KIF26A: variants seen among roughly 807,000 people sequenced by gnomAD.
KIF26A encodes kinesin family member 26A, also known as kinesin-like protein KIF26A.
A neutral mutation model predicts 126.0 loss-of-function variants in KIF26A; 74 were observed. The ratio of observed to expected loss-of-function variants is 0.59; its 90% CI spans 0.49 to 0.71. The LOEUF is 0.71. Ranked by LOEUF, KIF26A falls within the 30% of genes least tolerant of loss-of-function variation. KIF26A has a pLI of 0.00. For synonymous variants in KIF26A, 1,445 were observed against 1,232.7 expected (o/e 1.17, Z -3.61); for missense variants, 2,984 against 2,763.3 (o/e 1.08, Z -1.79).
Position 104,172,835 on chromosome 14 carries a change from G to C in KIF26A, c.1421-142G>C, listed in dbSNP as rs573418187. ...GTGGAGAGGAAGCTGAACCCCTGCCGAACTGAAAGGCAGAGGGCTTAGGAT... is the reference window on the plus strand; with the variant it reads ...GTGGAGAGGAAGCTGAACCCCTGCCCAACTGAAAGGCAGAGGGCTTAGGAT... On this transcript the variant is annotated intron_variant, in intron 7 of 14. Coordinates refer to ENST00000423312, the MANE Select transcript of KIF26A (RefSeq NM_015656.2). 20 of 1,243,572 alleles carry C rather than the reference G, an allele frequency of 1.6e-5. No individual in the cohort carries two copies. The African/African-American group carries it at 2.1e-4, about 13-fold the overall frequency. 77.0% of individuals were successfully genotyped at this position (1,243,572 alleles called of 1,614,324 possible). A position where few individuals can be genotyped will look rare whatever the true frequency, so the allele number is the denominator to read the frequency against.
intron 3 of KIF26A, among the ~76,000 whole-genome samples, chr14:104,156,386 C>T (rs566473839): frequency 4.8e-4 from 73 of 152,248 alleles, no homozygotes; most frequent in Admixed American, 1.2e-3. Flanking sequence ...GGTGTGCTGG[C>T]GCAATGTCCA....
intron 4 of KIF26A, among the ~76,000 whole-genome samples, chr14:104,166,358 T>G (rs1566861418): frequency 6.6e-6 from 1 of 152,080 alleles, no homozygotes; most frequent in East Asian, 1.9e-4. Flanking sequence ...TGTCAGTCCA[T>G]TAGGGCCACA....
intron 13 of KIF26A, 124 bp from the exon 14 acceptor site, chr14:104,179,112 G>T: frequency 8.6e-7 from 1 of 1,166,236 alleles, no homozygotes; most frequent in Non-Finnish European, 1.1e-6. Flanking sequence ...GCCCGCCCTT[G>T]GAGCCCCACT....
intron 5 of KIF26A, among the ~76,000 whole-genome samples, chr14:104,171,122 C>T (rs1239279936): frequency 6.6e-6 from 1 of 152,236 alleles, no homozygotes; most frequent in Non-Finnish European, 1.5e-5. Context: ...TGCCCGTCCC[C>T]GTTTGCATTC....
At chr14:104,150,855 T>A (rs1447813236) in intron 2 of KIF26A, among the ~76,000 whole-genome samples, 2 of 152,144 alleles carry the variant, frequency 1.3e-5, no homozygotes, top group Non-Finnish European at 2.9e-5. Context: ...CCCTAGGTGG[T>A]CACAGCCACA....
rs1850383211 is a variant in KIF26A, at chr14:104,175,048, C to T, written c.2260C>T (p.Leu754=). The T allele has an allele frequency of 2.5e-6, 4 of 1,576,548 alleles. No homozygotes were observed. Among genetic ancestry groups the T allele is most frequent in the Non-Finnish European group, 3.4e-6 (4 of 1,163,990 alleles). Residue 754 remains leucine, a synonymous_variant, in exon 12 of 15, where the codon CTG becomes TTG. Transcript: ENST00000423312. ...AGGCCGGGCCCGTCGGCCCCCGCAC[C>T]TGCGGCCCTTCCACCCACGCACTGT... The part of the protein sequence containing the change: ...EEGRARRPPH[L]RPFHPRTVAL...
intron 4 of KIF26A, among the ~76,000 whole-genome samples, chr14:104,165,817 T>G (rs12885865): frequency 1.3e-5 from 2 of 151,804 alleles, no homozygotes; most frequent in East Asian, 3.9e-4. Context: ...GTCTGTGTGT[T>G]TCTGTGTGCA....
intron 6 of KIF26A, 109 bp downstream of exon 6, chr14:104,172,044 G>A (rs903995132): frequency 9.3e-7 from 1 of 1,070,398 alleles, no homozygotes; most frequent in Admixed American, 2.5e-5. Context: ...CAGAGGAAGC[G>A]TGAGCGAGGG....
In KIF26A at chr14:104,171,705, C is replaced by T. The variant is rs772514163; in HGVS notation, c.1114-18C>T. 5.8e-6 allele frequency: 9 copies of T among 1,543,324 alleles called. No individual in the cohort carries two copies. In the East Asian group the frequency reaches 1.7e-4, roughly 29 times the overall value. On this transcript the variant is annotated intron_variant, in intron 5 of 14. Coordinates refer to ENST00000423312, the MANE Select transcript of KIF26A (RefSeq NM_015656.2). ...TGGGCGGAGGCAGCTTCTCAGGTGCCGCCCACCTCTGCCCCAGGTGAAGGT... is the reference window on the plus strand; with the variant it reads ...TGGGCGGAGGCAGCTTCTCAGGTGCTGCCCACCTCTGCCCCAGGTGAAGGT...
chr14:104,172,865 C>T (rs2037973760), intron 7 of KIF26A, 112 bp from the exon 8 acceptor site: 6 of 1,378,440 alleles, frequency 4.4e-6, no homozygotes, highest in African/African-American at 2.9e-5. Context: ...TAGGATGGAT[C>T]CAAAGAGGCC....
In KIF26A at chr14:104,147,947, G is replaced by A. The variant is rs183885688; in HGVS notation, c.289-4068G>A. ...AGACGGGTGATGGGGACTCAGGGAGGGCCCCGTATGGCTGAGGTCTGGGGG... is the reference window on the plus strand; with the variant it reads ...AGACGGGTGATGGGGACTCAGGGAGAGCCCCGTATGGCTGAGGTCTGGGGG... On this transcript the variant is annotated intron_variant, in intron 2 of 14. Coordinates refer to ENST00000423312, the MANE Select transcript of KIF26A (RefSeq NM_015656.2). 4.7e-3 allele frequency among the ~76,000 whole-genome samples: 720 copies of A among 152,320 alleles called. 8 individuals carry two copies. Among genetic ancestry groups the A allele is most frequent in the Non-Finnish European group, 6.1e-3 (416 of 68,018 alleles).
chr14:104,150,569 G>A (rs117571183), intron 2 of KIF26A, among the ~76,000 whole-genome samples: 5,001 of 152,258 alleles, frequency 0.033, 91 homozygotes, highest in Non-Finnish European at 0.051. Context: ...GGCCCAGCCA[G>A]CCAAGGGCAG....
intron 3 of KIF26A, among the ~76,000 whole-genome samples, chr14:104,156,134 A>T (rs951893974): frequency 9.8e-5 from 15 of 152,316 alleles, no homozygotes; most frequent in African/African-American, 3.4e-4. Flanking sequence ...AGGGGTGCTC[A>T]ACCAGACCCG....
In KIF26A at chr14:104,176,561, G is replaced by C. The variant is rs200373476; in HGVS notation, c.3773G>C (p.Gly1258Ala). The C allele has an allele frequency of 6.2e-7, 1 of 1,606,672 alleles. No individual in the cohort carries two copies. Among genetic ancestry groups the C allele is most frequent in the Admixed American group, 1.7e-5 (1 of 60,012 alleles). Residue 1258 changes from glycine to alanine, a missense_variant, in exon 12 of 15, where the codon GGC becomes GCC. Gly to Ala is a moderately conservative substitution (Grantham distance 60). Transcript: ENST00000423312. ...GECDTQAASA[G>A]RAPSPTLGSP... ...TGTGATACCCAGGCAGCTTCTGCTG[G>C]CAGGGCCCCCAGCCCCACACTTGGC...
rs781479441 is a variant in KIF26A, at chr14:104,177,720, C to T, written c.4932C>T (p.Ala1644=). The change falls in exon 12 of 15, where the codon GCC becomes GCT. Residue 1644 remains alanine, a synonymous_variant. Transcript: ENST00000423312. ...SSVLSGELPP[A]MGRTALFHHS... ...TGCTGAGTGGAGAGCTGCCGCCCGC[C>T]ATGGGCCGCACCGCCCTTTTCCACC... 1 of 1,536,752 alleles carries T rather than the reference C, an allele frequency of 6.5e-7. No individual in the cohort carries two copies. The highest frequency in any genetic ancestry group is 1.2e-5 in the South Asian group (1 of 84,004).
Position 104,138,648 on chromosome 14 carries a change from G to T in KIF26A, c.-75G>T. Reference sequence around the variant, plus strand: ...GGGCCATGGGGGCGCCTCGGGGCCGGATCACGTAGCCGCGGCGCCCCCGGA... The same window carrying T: ...GGGCCATGGGGGCGCCTCGGGGCCGTATCACGTAGCCGCGGCGCCCCCGGA... On this transcript the variant is annotated 5_prime_UTR_variant, in exon 1 of 15. Coordinates refer to ENST00000423312, the MANE Select transcript of KIF26A (RefSeq NM_015656.2). 1 of 1,173,462 alleles carries T rather than the reference G, an allele frequency of 8.5e-7. No individual in the cohort carries two copies. Among genetic ancestry groups the T allele is most frequent in the African/African-American group, 1.6e-5 (1 of 61,642 alleles). The allele number at this position is 1,173,462 out of a possible 1,614,324, so 72.7% of individuals were successfully genotyped here.
Position 104,151,160 on chromosome 14 carries a change from C to T in KIF26A, c.289-855C>T, listed in dbSNP as rs940336359. Among the ~76,000 whole-genome samples, 3 of 152,210 alleles carry T rather than the reference C, an allele frequency of 2.0e-5. No homozygotes were observed. Among genetic ancestry groups the T allele is most frequent in the Non-Finnish European group, 2.9e-5 (2 of 68,036 alleles). ...GGCTTGTCTCCTTCTTGCTCCTCCT[C>T]CTCTTCCTGGAAGATGTCACTGCCT... On this transcript the variant is annotated intron_variant, in intron 2 of 14. Transcript: ENST00000423312. This position sits in a 1 kb window ranked among gnomAD's most constrained non-coding sequence, Gnocchi z 4.9.
intron 2 of KIF26A, among the ~76,000 whole-genome samples, chr14:104,142,270 G>A (rs1478369546): frequency 6.6e-6 from 1 of 152,146 alleles, no homozygotes; most frequent in African/African-American, 2.4e-5. Flanking sequence ...TGAGAAGGGT[G>A]CTTGGCCCTG....
chr14:104,149,458 C>T (rs1347422255), intron 2 of KIF26A, among the ~76,000 whole-genome samples: 1 of 152,210 alleles, frequency 6.6e-6, no homozygotes, highest in Non-Finnish European at 1.5e-5. Context: ...GCAGCCTCGG[C>T]TTGTCCCCAG....
Sources: gnomAD v4.1 joint callset for allele counts (sites outside exome capture counted in the v4.1 genomes callset) on GRCh38, gnomAD v4.1.1 for gene constraint, Gnocchi (gnomAD v3.1) non-coding constraint, MANE v1.5 for transcripts, NCBI Gene and HGNC (gene_info 2026-07-23, HGNC 2026-07-21) for gene names.